Variants in KLF12 observed in about 807,000 individuals in gnomAD.
KLF12 encodes KLF transcription factor 12, also known as Krueppel-like factor 12.
A neutral mutation model predicts 37.8 loss-of-function variants in KLF12; 9 were observed. The observed-to-expected ratio is 0.24, with a 90% CI of 0.14 to 0.42. The LOEUF (loss-of-function observed/expected upper bound fraction) is 0.42. Ranked by LOEUF, KLF12 falls within the 10% of genes least tolerant of loss-of-function variation. KLF12 has a pLI of 1.00. For missense variants in KLF12, 411 were observed against 516.0 expected (o/e 0.80, Z 1.97); for synonymous variants, 208 against 202.1 (o/e 1.03, Z -0.25).
At chr13:73,964,587 G>A (rs866575868) in intron 2 of KLF12, among the ~76,000 whole-genome samples, 1 of 141,322 alleles carries the variant, frequency 7.1e-6, no homozygotes, top group Non-Finnish European at 1.5e-5. Context: ...GGCTAACATG[G>A]TGAAACTCCG....
intron 4 of KLF12, among the ~76,000 whole-genome samples, chr13:73,822,219 C>T (rs1178749079): frequency 6.6e-6 from 1 of 152,204 alleles, no homozygotes; most frequent in South Asian, 2.1e-4. Context: ...AGAAAAGTCA[C>T]AATCATTAAA....
At chr13:73,716,182 A>G (rs1014902993) in intron 6 of KLF12, among the ~76,000 whole-genome samples, 1 of 152,196 alleles carries the variant, frequency 6.6e-6, no homozygotes, top group African/African-American at 2.4e-5. Context: ...AAAAAGTTTT[A>G]ACTAAGAAAT....
chr13:74,064,914 CTCTAAG>C (rs1873818074), intron 1 of KLF12, among the ~76,000 whole-genome samples: 2 of 152,200 alleles, frequency 1.3e-5, no homozygotes, highest in Admixed American at 1.3e-4. Flanking sequence ...CATCATACTA[CTCTAAG>C]TCTGATTCAC....
At chr13:73,719,322 T>TG (rs986834105) in intron 6 of KLF12, among the ~76,000 whole-genome samples, 13 of 151,604 alleles carry the variant, frequency 8.6e-5, no homozygotes, top group African/African-American at 3.2e-4. Flanking sequence ...AACCGTGGAC[T>TG]GGGGGTTTGT....
intron 3 of KLF12, among the ~76,000 whole-genome samples, chr13:73,903,146 AT>A (rs750550480): frequency 5.9e-5 from 9 of 152,226 alleles, no homozygotes; most frequent in Admixed American, 1.3e-4. Flanking sequence ...CTAACAAAAG[AT>A]ATCTTCTCAC....
intron 5 of KLF12, among the ~76,000 whole-genome samples, chr13:73,803,189 A>G (rs572551796): frequency 1.3e-5 from 2 of 152,304 alleles, no homozygotes; most frequent in East Asian, 1.9e-4. Flanking sequence ...ACTTCTCCCT[A>G]GGGATTTGAT....
chr13:74,060,811 G>A (rs1465502376), intron 1 of KLF12, among the ~76,000 whole-genome samples: 1 of 152,108 alleles, frequency 6.6e-6, no homozygotes, highest in African/African-American at 2.4e-5. Context: ...CTGTTGAATA[G>A]GAGTGGTCGT....
Position 74,087,338 on chromosome 13 carries a change from AT to A in KLF12, c.-32+46400del, listed in dbSNP as rs34876792. Among the ~76,000 whole-genome samples the A allele has an allele frequency of 9.2e-3, 1,335 of 145,674 alleles. 11 individuals are homozygous for A. The highest frequency in any genetic ancestry group is 0.024 in the African/African-American group (914 of 38,780). ...GACAAGACAGAAGGGTTTAAAAAAA[AT>A]TTTTTTTTTTTTTGAGAGAATTTTC... On this transcript the variant is annotated intron_variant, in intron 1 of 7. Coordinates refer to ENST00000377669, the MANE Select transcript of KLF12 (RefSeq NM_007249.5).
At chr13:73,944,951 C>T (rs74921377) in intron 2 of KLF12, among the ~76,000 whole-genome samples, 8,294 of 152,144 alleles carry the variant, frequency 0.055, 290 homozygotes, top group African/African-American at 0.1. Flanking sequence ...TACATATTGA[C>T]TCAACTACAA....
At chr13:73,762,127 T>C (rs922438409) in intron 6 of KLF12, among the ~76,000 whole-genome samples, 1 of 152,184 alleles carries the variant, frequency 6.6e-6, no homozygotes, top group African/African-American at 2.4e-5. Flanking sequence ...TTTAATCCCT[T>C]GGAGTTAGCA....
the KLF12 span, among the ~76,000 whole-genome samples, chr13:74,187,700 G>A: frequency 1.3e-5 from 2 of 152,102 alleles, no homozygotes; most frequent in Non-Finnish European, 2.9e-5. Context: ...GGGCCAGAGA[G>A]GTTGTATAAC....
chr13:74,071,469 A>T (rs559582150), intron 1 of KLF12, among the ~76,000 whole-genome samples: 2 of 151,936 alleles, frequency 1.3e-5, no homozygotes, highest in Non-Finnish European at 2.9e-5. Flanking sequence ...GGCGGATCAC[A>T]AGGTCAGGAG....
chr13:73,842,421 CTA>C (rs1273047250), intron 4 of KLF12, among the ~76,000 whole-genome samples: 7 of 152,174 alleles, frequency 4.6e-5, no homozygotes, highest in Non-Finnish European at 1.0e-4. Context: ...ACTGTAAGCA[CTA>C]TGAGACAGAA....
chr13:74,178,284 A>G, the KLF12 span, among the ~76,000 whole-genome samples: 1 of 152,130 alleles, frequency 6.6e-6, no homozygotes, highest in Non-Finnish European at 1.5e-5. Context: ...CTGCTTCATC[A>G]TGTTGTCCCC....
At chr13:73,959,912 T>A (rs1890968360) in intron 2 of KLF12, among the ~76,000 whole-genome samples, 1 of 152,110 alleles carries the variant, frequency 6.6e-6, no homozygotes. Context: ...AATTGCGGGA[T>A]CAACAGCCTC....
At chr13:73,976,513 C>T (rs893886092) in intron 2 of KLF12, among the ~76,000 whole-genome samples, 1 of 152,170 alleles carries the variant, frequency 6.6e-6, no homozygotes, top group Admixed American at 6.5e-5. Flanking sequence ...GCCAAGCCAA[C>T]ACCATCTCAT....
chr13:74,240,312 C>T, the KLF12 span, among the ~76,000 whole-genome samples: 6 of 131,768 alleles, frequency 4.6e-5, no homozygotes, highest in South Asian at 2.8e-4. Context: ...CCGAGAGATC[C>T]GCTGTTAGTC....
At chr13:73,739,686 T>C (rs1488763159) in intron 6 of KLF12, among the ~76,000 whole-genome samples, 3 of 152,176 alleles carry the variant, frequency 2.0e-5, no homozygotes, top group Non-Finnish European at 2.9e-5. Context: ...TCTCCTTTTT[T>C]TTTCCTTCTA....
chr13:74,268,836 T>A, the KLF12 span, among the ~76,000 whole-genome samples: 25 of 152,146 alleles, frequency 1.6e-4, no homozygotes, highest in South Asian at 1.7e-3. Context: ...TTCTTTTGAG[T>A]TGGAAGCTGA....
Sources: allele counts gnomAD v4.1 joint callset (sites outside exome capture counted in the v4.1 genomes callset), GRCh38; gene constraint gnomAD v4.1.1; transcripts MANE v1.5; gene names NCBI Gene and HGNC (gene_info 2026-07-23, HGNC 2026-07-21).